The following ASIC2 variants were observed in gnomAD, a reference collection of about 807,000 sequenced individuals.
ASIC2 encodes acid sensing ion channel subunit 2.
ASIC2 carries 25 observed loss-of-function variants against 57.3 expected under a neutral mutation model. That is an observed-to-expected ratio of 0.44 (90% CI 0.32 to 0.61). The LOEUF is 0.61. Among genes scored for constraint, ASIC2 ranks in the 20% least tolerant of loss-of-function variants. The pLI is 0.06. For synonymous variants in ASIC2, 319 were observed against 307.5 expected (o/e 1.04, Z -0.39); for missense variants, 641 against 738.1 (o/e 0.87, Z 1.52).
At chr17:33,712,732 G>A (rs1909086442) in intron 1 of ASIC2, among the ~76,000 whole-genome samples, 1 of 130,466 alleles carries the variant, frequency 7.7e-6, no homozygotes, top group Admixed American at 9.3e-5. Context: ...TGCAAGCTCC[G>A]CCTCCCGGGT....
chr17:34,113,471 G>A (rs771515840), intron 1 of ASIC2, among the ~76,000 whole-genome samples: 2 of 151,862 alleles, frequency 1.3e-5, no homozygotes, highest in African/African-American at 2.4e-5. Flanking sequence ...TGAGGTGGGA[G>A]GACAACTTGA....
intron 1 of ASIC2, among the ~76,000 whole-genome samples, chr17:33,622,807 G>A (rs1905842473): frequency 6.6e-6 from 1 of 152,166 alleles, no homozygotes; most frequent in Non-Finnish European, 1.5e-5. Context: ...TGACCATGCT[G>A]TCAACCTGAA....
intron 1 of ASIC2, among the ~76,000 whole-genome samples, chr17:33,588,809 G>A (rs1205286349): frequency 6.6e-6 from 1 of 152,210 alleles, no homozygotes; most frequent in African/African-American, 2.4e-5. Flanking sequence ...CTAAAAAAGT[G>A]TGGTGGGAGA....
chr17:33,920,208 G>A (rs1470222421), intron 1 of ASIC2, among the ~76,000 whole-genome samples: 2 of 151,940 alleles, frequency 1.3e-5, no homozygotes, highest in Non-Finnish European at 2.9e-5. Context: ...TCTTGTGGAG[G>A]GAAAAATTAA....
intron 1 of ASIC2, chr17:34,038,772 T>C: frequency 6.2e-7 from 1 of 1,611,566 alleles, no homozygotes; most frequent in Non-Finnish European, 8.5e-7. Context: ...TCAGCTCCAT[T>C]GGTCTTGCTT....
In ASIC2 at chr17:33,129,288, G is replaced by A. The variant is rs184508585; in HGVS notation, c.709-17221C>T. On this transcript the variant is annotated intron_variant, in intron 1 of 9. Transcript: ENST00000225823. ...AAGAGGTTTGGTAAAGAGGAAATCA[G>A]GTCTCCTTCTATTAATGTTGACAGT... 2.0e-3 allele frequency among the ~76,000 whole-genome samples: 309 copies of A among 152,254 alleles called. 1 individual carries two copies. Among genetic ancestry groups the A allele is most frequent in the African/African-American group, 6.9e-3 (288 of 41,536 alleles).
At chr17:33,603,649 C>T (rs1200009270) in intron 1 of ASIC2, among the ~76,000 whole-genome samples, 1 of 152,162 alleles carries the variant, frequency 6.6e-6, no homozygotes, top group Admixed American at 6.5e-5. Flanking sequence ...AAGGAGAAGT[C>T]AAAACTGGAT....
chr17:33,829,331 TG>T (rs1913033448), intron 1 of ASIC2, among the ~76,000 whole-genome samples: 2 of 152,200 alleles, frequency 1.3e-5, no homozygotes, highest in Non-Finnish European at 2.9e-5. Context: ...TTGTTAGCTT[TG>T]GTTCTTGATG....
At chr17:33,283,534 T>C (rs16968221) in intron 1 of ASIC2, among the ~76,000 whole-genome samples, 2,025 of 152,304 alleles carry the variant, frequency 0.013, 51 homozygotes, top group African/African-American at 0.046. Flanking sequence ...TACCAGTTCT[T>C]TTCTGCAAAG....
intron 1 of ASIC2, among the ~76,000 whole-genome samples, chr17:33,520,360 C>G (rs550381226): frequency 6.6e-6 from 1 of 152,330 alleles, no homozygotes; most frequent in Admixed American, 6.5e-5. Flanking sequence ...AACATACGCT[C>G]TTTGGCCAGT....
chr17:33,535,769 A>G (rs1181084530), intron 1 of ASIC2, among the ~76,000 whole-genome samples: 1 of 152,220 alleles, frequency 6.6e-6, no homozygotes, highest in African/African-American at 2.4e-5. Context: ...ATTAAAAAAT[A>G]AAAAAGAAGT....
chr17:33,466,754 C>T (rs1404547595), intron 1 of ASIC2, among the ~76,000 whole-genome samples: 1 of 152,066 alleles, frequency 6.6e-6, no homozygotes, highest in South Asian at 2.1e-4. Context: ...GAAAGGATTC[C>T]CCATTTAATA....
At chr17:33,108,718 C>G (rs952478704) in intron 2 of ASIC2, among the ~76,000 whole-genome samples, 3 of 152,162 alleles carry the variant, frequency 2.0e-5, no homozygotes, top group Admixed American at 6.5e-5. Flanking sequence ...AAGAAAGGTA[C>G]GATGGAGGGA....
In ASIC2 at chr17:33,346,202, G is replaced by T. The variant is rs537970614; in HGVS notation, c.556-234135C>A. Among the ~76,000 whole-genome samples the T allele has an allele frequency of 4.8e-5, 6 of 126,082 alleles. No homozygotes were observed. The South Asian group carries it at 1.7e-3, about 35-fold the overall frequency. 82.7% of individuals were successfully genotyped at this position (126,082 alleles called of 152,430 possible). Reference sequence around the variant, plus strand: ...AGATTGTGCCACTGCACTCCAGCCTGGGTGACAGAGAGAGATTCCCTCTCA... The same window carrying T: ...AGATTGTGCCACTGCACTCCAGCCTTGGTGACAGAGAGAGATTCCCTCTCA... On this transcript the variant is annotated intron_variant, in intron 1 of 9. Coordinates refer to the ASIC2 transcript ENST00000359872.
intron 1 of ASIC2, among the ~76,000 whole-genome samples, chr17:33,328,397 C>A (rs1180765512): frequency 6.6e-6 from 1 of 152,164 alleles, no homozygotes; most frequent in Non-Finnish European, 1.5e-5. Flanking sequence ...CGGATCAAAG[C>A]TACCCAGAAT....
intron 1 of ASIC2, among the ~76,000 whole-genome samples, chr17:33,533,037 C>T (rs1302353181): frequency 6.6e-6 from 1 of 152,224 alleles, no homozygotes; most frequent in Non-Finnish European, 1.5e-5. Context: ...TCAAAGCTCT[C>T]CATGATCTGA....
At chr17:33,331,729 G>C (rs911072745) in intron 1 of ASIC2, among the ~76,000 whole-genome samples, 1 of 152,146 alleles carries the variant, frequency 6.6e-6, no homozygotes, top group African/African-American at 2.4e-5. Context: ...AGTGTGCTAG[G>C]TATTTCTACA....
chr17:33,604,041 G>A (rs1905169424), intron 1 of ASIC2, among the ~76,000 whole-genome samples: 1 of 152,196 alleles, frequency 6.6e-6, no homozygotes, highest in Non-Finnish European at 1.5e-5. Flanking sequence ...CTACCTAGCT[G>A]CAAGGCGGCC....
chr17:33,303,697 C>T (rs1056202021), intron 1 of ASIC2, among the ~76,000 whole-genome samples: 1 of 152,048 alleles, frequency 6.6e-6, no homozygotes, highest in Non-Finnish European at 1.5e-5. Flanking sequence ...TCTTATTTTC[C>T]CATCTACCCT....
Sources: gnomAD v4.1 joint callset for allele counts (sites outside exome capture counted in the v4.1 genomes callset) on GRCh38, gnomAD v4.1.1 for gene constraint, MANE v1.5 for transcripts, NCBI Gene and HGNC (gene_info 2026-07-23, HGNC 2026-07-21) for gene names.